Variants in ADARB1 observed in about 807,000 individuals in gnomAD.
The protein encoded by ADARB1 is adenosine deaminase RNA specific B1.
A neutral mutation model predicts 52.4 loss-of-function variants in ADARB1; 10 were observed. The ratio of observed to expected loss-of-function variants is 0.19; its 90% CI spans 0.12 to 0.32. The LOEUF is 0.32. Ranked by LOEUF, ADARB1 falls within the 10% of genes least tolerant of loss-of-function variation. The pLI is 1.00. For missense variants in ADARB1, 643 were observed against 922.3 expected, an observed-to-expected ratio of 0.70 and a Z score of 3.92; for synonymous variants, 349 against 371.1, an observed-to-expected ratio of 0.94 and a Z score of 0.68.
chr21:45,184,710 CA>C (rs2092042980), intron 7 of ADARB1: 1 of 499,524 alleles, frequency 2.0e-6, no homozygotes, highest in Non-Finnish European at 3.5e-6. Context: ...CTCAGCCTCC[CA>C]AAGTGCTGAG....
intron 1 of ADARB1, among the ~76,000 whole-genome samples, chr21:45,082,599 G>GA (rs2086196334): frequency 2.0e-5 from 3 of 152,194 alleles, no homozygotes; most frequent in Admixed American, 2.0e-4. Flanking sequence ...TATCAGATCA[G>GA]AAAACTGATG....
At chr21:45,148,634 G>T (rs765209696) in intron 2 of ADARB1, among the ~76,000 whole-genome samples, 5 of 152,240 alleles carry the variant, frequency 3.3e-5, no homozygotes, top group African/African-American at 1.2e-4. Context: ...GGGCACTGGA[G>T]CTGGTGCTGA....
At chr21:45,191,227 G>T (rs1389754887) in intron 8 of ADARB1, among the ~76,000 whole-genome samples, 1 of 152,176 alleles carries the variant, frequency 6.6e-6, no homozygotes, top group Admixed American at 6.5e-5. Context: ...GGTTGTTCTT[G>T]AATGTACCAA....
intron 9 of ADARB1, among the ~76,000 whole-genome samples, chr21:45,211,921 G>GC (rs2092776712): frequency 6.6e-6 from 1 of 152,172 alleles, no homozygotes; most frequent in Admixed American, 6.5e-5. Context: ...GGGGCTTTCT[G>GC]CCCCAGAAAA....
At chr21:45,109,684 T>A (rs1482014976) in intron 1 of ADARB1, among the ~76,000 whole-genome samples, 5 of 152,254 alleles carry the variant, frequency 3.3e-5, no homozygotes, top group African/African-American at 1.2e-4. Context: ...CGGGCTTTGG[T>A]ATTTTATAAC....
At chr21:45,143,842 A>G (rs2089868181) in intron 2 of ADARB1, among the ~76,000 whole-genome samples, 3 of 152,190 alleles carry the variant, frequency 2.0e-5, no homozygotes, top group Admixed American at 1.3e-4. Flanking sequence ...CATCGCCACT[A>G]CTGCCCTCCC....
intron 1 of ADARB1, among the ~76,000 whole-genome samples, chr21:45,121,844 A>G (rs141442287): frequency 8.8e-4 from 134 of 152,102 alleles, no homozygotes; most frequent in Non-Finnish European, 1.6e-4. Flanking sequence ...TTCTGTACGT[A>G]TATGGTGTGT....
intron 2 of ADARB1, among the ~76,000 whole-genome samples, chr21:45,169,609 G>A (rs2091400749): frequency 6.6e-6 from 1 of 152,148 alleles, no homozygotes; most frequent in Non-Finnish European, 1.5e-5. Context: ...TAATATCCAG[G>A]ATTTTTAGTT....
rs918590274 is a variant in ADARB1, at chr21:45,157,033, A to T, written c.-47-14577A>T. On this transcript the variant is annotated intron_variant, in intron 2 of 10. Transcript: ENST00000348831. This position sits in a 1 kb window ranked among gnomAD's most constrained non-coding sequence, Gnocchi z 4.1. ...TGAACCCCCAGTGGACAGCAGCGTT[A>T]TGGATAGAAGGCCCAGATCTCCTAG... is the stretch of plus-strand genomic sequence containing the variant. Among the ~76,000 whole-genome samples the T allele has an allele frequency of 7.2e-5, 11 of 152,306 alleles. No homozygotes were observed. The highest frequency in any genetic ancestry group is 2.4e-4 in the African/African-American group (10 of 41,560).
chr21:45,110,264 G>A (rs2087474576), intron 1 of ADARB1, among the ~76,000 whole-genome samples: 1 of 152,138 alleles, frequency 6.6e-6, no homozygotes, highest in Non-Finnish European at 1.5e-5. Flanking sequence ...AGCATGTTTA[G>A]CGTTTTCCAT....
chr21:45,128,800 A>G lies in ADARB1; in HGVS notation c.-48+227A>G, dbSNP rs2088754697. Among the ~76,000 whole-genome samples the G allele has an allele frequency of 6.6e-6, 1 of 151,990 alleles. No homozygotes were observed. The highest frequency in any genetic ancestry group is 2.4e-5 in the African/African-American group (1 of 41,362). ...TCTGGGGTGGTGCCTGCTGCCCTCC[A>G]GTGGCATGTGTGGCACCTGCTGCCC... On this transcript the variant is annotated intron_variant, in intron 2 of 10. Transcript: ENST00000348831. This position sits in a 1 kb window ranked among gnomAD's most constrained non-coding sequence, Gnocchi z 4.6.
chr21:45,092,459 A>G (rs1235373353), intron 1 of ADARB1, among the ~76,000 whole-genome samples: 1 of 152,204 alleles, frequency 6.6e-6, no homozygotes, highest in Non-Finnish European at 1.5e-5. Flanking sequence ...TTATATAGTT[A>G]TACCATTGGA....
intron 1 of ADARB1, among the ~76,000 whole-genome samples, chr21:45,085,965 C>T (rs956023058): frequency 1.3e-5 from 2 of 152,148 alleles, no homozygotes; most frequent in Non-Finnish European, 2.9e-5. Context: ...GCAAGAAGTG[C>T]CTGATAGATT....
At chr21:45,211,959 G>A (rs1241193198) in intron 9 of ADARB1, among the ~76,000 whole-genome samples, 1 of 152,162 alleles carries the variant, frequency 6.6e-6, no homozygotes, top group East Asian at 1.9e-4. Context: ...GGAAGCTCGG[G>A]CTATTTTCTT....
chr21:45,089,300 A>G (rs1013890034), intron 1 of ADARB1, among the ~76,000 whole-genome samples: 2 of 152,234 alleles, frequency 1.3e-5, no homozygotes, highest in African/African-American at 2.4e-5. Context: ...CAGCCTTCCC[A>G]TAAGCCTAAA....
chr21:45,211,307 G>A (rs973901303), intron 9 of ADARB1, among the ~76,000 whole-genome samples: 2 of 152,230 alleles, frequency 1.3e-5, no homozygotes, highest in African/African-American at 4.8e-5. Flanking sequence ...GAGGGGCTCA[G>A]AGGCTCCCTC....
chr21:45,160,948 C>T (rs780880927), intron 2 of ADARB1, among the ~76,000 whole-genome samples: 2 of 152,212 alleles, frequency 1.3e-5, no homozygotes, highest in East Asian at 3.8e-4. Context: ...TACTGTAATT[C>T]TTCTGAGAGT....
chr21:45,094,278 C>T (rs975564222), intron 1 of ADARB1, among the ~76,000 whole-genome samples: 2 of 152,160 alleles, frequency 1.3e-5, no homozygotes, highest in South Asian at 4.1e-4. Context: ...CACTGATAAC[C>T]TCTGTGAGGC....
Position 45,220,969 on chromosome 21 carries a change from G to A in ADARB1, c.1881G>A (p.Leu627=), listed in dbSNP as rs1458790555. The change falls in exon 10 of 11, where the codon CTG becomes CTA. Residue 627 remains leucine, a synonymous_variant. Transcript: ENST00000348831. This position sits in a 1 kb window ranked among gnomAD's most constrained non-coding sequence, Gnocchi z 6.3. The stretch of plus-strand genomic sequence containing the variant: ...ATGAGCTGGGCCGCGCGTCCCGCCT[G>A]TGTAAGCACGCGTTGTACTGTCGCT... ...GKDELGRASR[L]CKHALYCRWM... 6.2e-7 allele frequency: 1 copy of A among 1,613,082 alleles called. No individual in the cohort carries two copies. Among genetic ancestry groups the A allele is most frequent in the Non-Finnish European group, 8.5e-7 (1 of 1,180,030 alleles).
Sources: allele counts gnomAD v4.1 joint callset (sites outside exome capture counted in the v4.1 genomes callset), GRCh38; gene constraint gnomAD v4.1.1; non-coding constraint Gnocchi (gnomAD v3.1); transcripts MANE v1.5; gene names NCBI Gene and HGNC (gene_info 2026-07-23, HGNC 2026-07-21).